KIF20B: variants seen among roughly 807,000 people sequenced by gnomAD.
KIF20B encodes kinesin family member 20B.
In KIF20B, 188 loss-of-function variants were observed where a neutral mutation model predicts 232.5. That is an observed-to-expected ratio of 0.81 (90% CI 0.72 to 0.91). KIF20B has a LOEUF of 0.91. KIF20B is among the 40% of genes least tolerant of loss of function. The pLI is 0.00. For synonymous variants in KIF20B, 712 were observed against 683.0 expected (o/e 1.04, Z -0.66); for missense variants, 2,154 against 2,055.9 (o/e 1.05, Z -0.92).
At chr10:89,708,179 C>T (rs1020608434) in intron 2 of KIF20B, among the ~76,000 whole-genome samples, 3 of 151,136 alleles carry the variant, frequency 2.0e-5, no homozygotes, top group African/African-American at 7.3e-5. Flanking sequence ...ATTTTCTCTT[C>T]CTATATTTTC....
intron 12 of KIF20B, 142 bp downstream of exon 12, chr10:89,719,014 AGAAAGGATT>A (rs1228872361): frequency 1.8e-6 from 1 of 566,922 alleles, no homozygotes; most frequent in African/African-American, 2.0e-5. Flanking sequence ...GGAAGACATG[AGAAAGGATT>A]GAAAGTTGCC....
chr10:89,737,994 T>C lies in KIF20B; in HGVS notation c.3153T>C (p.Asn1051=), dbSNP rs1013174486. Residue 1051 remains asparagine, a synonymous_variant, in exon 20 of 33, where the codon AAT becomes AAC. Coordinates refer to ENST00000371728, the MANE Select transcript of KIF20B (RefSeq NM_001284259.2). The part of the protein sequence containing the change: ...EYRIQEPNRE[N]SFHSSIEAIW... ...GAATTCAAGAACCCAATAGGGAAAA[T>C]TCTTTCCACTCTAGTATTGAAGCTA... 1 of 1,613,080 alleles carries C rather than the reference T, an allele frequency of 6.2e-7. No individual in the cohort carries two copies. The highest frequency in any genetic ancestry group is 8.5e-7 in the Non-Finnish European group (1 of 1,179,456).
chr10:89,762,004 G>A (rs1842252300), intron 28 of KIF20B, among the ~76,000 whole-genome samples: 1 of 152,164 alleles, frequency 6.6e-6, no homozygotes, highest in South Asian at 2.1e-4. Context: ...TTAACTGGTA[G>A]TTGATTCTGG....
At position 89,717,722 on chromosome 10, in the gene KIF20B, A is replaced by G. The variant is rs369009574; in HGVS notation, c.1271A>G (p.Lys424Arg). Residue 424 changes from lysine to arginine, a missense_variant and splice_region_variant, in exon 11 of 33, where the codon AAG becomes AGG. By Grantham distance (26) the Lys-to-Arg change is conservative. Transcript: ENST00000371728. ...INVLKNSEKS[K>R]FQQHVPFRES... Reference sequence around the variant, plus strand: ...GTCTTGAAGAATAGTGAAAAGTCAAAGTAAGTGTTTCTGAAAGTGTTATTA... The same window carrying G: ...GTCTTGAAGAATAGTGAAAAGTCAAGGTAAGTGTTTCTGAAAGTGTTATTA... The G allele has an allele frequency of 1.9e-6, 3 of 1,582,124 alleles. No individual in the cohort carries two copies. The African/African-American group carries it at 4.1e-5, about 22-fold the overall frequency.
rs771405055 is a variant in KIF20B at position 89,716,425 on chromosome 10, A to AT, written c.941-5dup. 10 of 1,175,758 alleles carry AT rather than the reference A, an allele frequency of 8.5e-6. No individual in the cohort carries two copies. The highest frequency in any genetic ancestry group is 1.1e-5 in the Non-Finnish European group (9 of 811,224). The allele number at this position is 1,175,758 out of a possible 1,614,324, so 72.8% of individuals were successfully genotyped here. On this transcript the variant is annotated splice_polypyrimidine_tract_variant and intron_variant, in intron 8 of 32. Transcript: ENST00000371728. ...CAATAAATTAATATATATCCTCTTTATTTTTTAAAGATCTACAATGGATTC... is the reference window on the plus strand; with the variant it reads ...CAATAAATTAATATATATCCTCTTTATTTTTTTAAAGATCTACAATGGATTC...
rs750937549 is a variant in KIF20B at position 89,738,015 on chromosome 10, A to G, written c.3174A>G (p.Glu1058=). Residue 1058 remains glutamate, a synonymous_variant, in exon 20 of 33, where the codon GAA becomes GAG. Coordinates refer to ENST00000371728, the MANE Select transcript of KIF20B (RefSeq NM_001284259.2). ...NRENSFHSSI[E]AIWEECKEIV... Reference sequence around the variant, plus strand: ...AAAATTCTTTCCACTCTAGTATTGAAGCTATTTGGGAAGAATGTAAAGAGA... The same window carrying G: ...AAAATTCTTTCCACTCTAGTATTGAGGCTATTTGGGAAGAATGTAAAGAGA... The G allele has an allele frequency of 1.2e-6, 2 of 1,613,374 alleles. No homozygotes were observed. Among genetic ancestry groups the G allele is most frequent in the Non-Finnish European group, 1.7e-6 (2 of 1,179,600 alleles).
intron 26 of KIF20B, among the ~76,000 whole-genome samples, chr10:89,756,976 A>T (rs1362381515): frequency 6.8e-6 from 1 of 147,256 alleles, no homozygotes; most frequent in African/African-American, 2.5e-5. Context: ...TTTTCCTATA[A>T]ACATTTTTAT....
chr10:89,718,636 G>T (rs140270860), intron 11 of KIF20B, 74 bp from the exon 12 acceptor site: 14 of 1,175,570 alleles, frequency 1.2e-5, no homozygotes, highest in Non-Finnish European at 1.4e-5. Flanking sequence ...TTATTTCTTT[G>T]TAAAATGTCT....
chr10:89,715,232 G>T (rs1439967196), intron 8 of KIF20B, 50 bp downstream of exon 8: 2 of 1,168,178 alleles, frequency 1.7e-6, no homozygotes, highest in Non-Finnish European at 2.5e-6. Flanking sequence ...CTCTTCCTGG[G>T]CTTTGTGATA....
At position 89,719,675 on chromosome 10, in the gene KIF20B, AT is replaced by A; in HGVS notation, c.1692del (p.Asn564LysfsTer16). ...GATCTAGATAAAACATTAGAGGAAA[AT>A]AAGGCTTTCATTAGCCACGAGGAGA... is the stretch of plus-strand genomic sequence containing the variant. ...DEDLDKTLEE[N>X]KAFISHEEKR... On this transcript the variant is annotated frameshift_variant, in exon 13 of 33. Transcript: ENST00000371728. LOFTEE classifies it high-confidence loss of function. 6.2e-7 allele frequency: 1 copy of A among 1,608,394 alleles called. No homozygotes were observed. The highest frequency in any genetic ancestry group is 8.5e-7 in the Non-Finnish European group (1 of 1,178,280).
Position 89,772,849 on chromosome 10 carries a change from T to C in KIF20B, c.5385+18T>C. 6.3e-7 allele frequency: 1 copy of C among 1,595,208 alleles called. No individual in the cohort carries two copies. Among genetic ancestry groups the C allele is most frequent in the Non-Finnish European group, 8.5e-7 (1 of 1,172,148 alleles). On this transcript the variant is annotated intron_variant, in intron 32 of 32. Coordinates refer to ENST00000371728, the MANE Select transcript of KIF20B (RefSeq NM_001284259.2). ...GCCAAGTGGTAAGCTAGTATTTCTGTTTTCATCAATGTAGAACTGTTCGTG... is the reference window on the plus strand; with the variant it reads ...GCCAAGTGGTAAGCTAGTATTTCTGCTTTCATCAATGTAGAACTGTTCGTG...
At chr10:89,716,995 T>C (rs996547295) in intron 9 of KIF20B, among the ~76,000 whole-genome samples, 1 of 152,128 alleles carries the variant, frequency 6.6e-6, no homozygotes, top group African/African-American at 2.4e-5. Context: ...GGCTTTTTCT[T>C]AGAGAAGGAG....
intron 29 of KIF20B, among the ~76,000 whole-genome samples, chr10:89,766,698 A>T (rs1842368115): frequency 6.6e-6 from 1 of 152,248 alleles, no homozygotes; most frequent in Admixed American, 6.6e-5. Context: ...TTTCAAGCTG[A>T]TGTAAGAGCA....
intron 17 of KIF20B, among the ~76,000 whole-genome samples, chr10:89,728,758 A>G (rs1365906069): frequency 6.6e-6 from 1 of 151,166 alleles, no homozygotes; most frequent in African/African-American, 2.4e-5. Flanking sequence ...CCCACCAGGT[A>G]ATTTGGCCTC....
intron 9 of KIF20B, 114 bp downstream of exon 9, chr10:89,716,661 A>G (rs1842941225): frequency 1.1e-5 from 7 of 641,464 alleles, no homozygotes; most frequent in Non-Finnish European, 1.9e-5. Flanking sequence ...TGTTAAATTC[A>G]TAAGGCATAA....
chr10:89,771,493 C>T (rs1384650319), intron 31 of KIF20B, among the ~76,000 whole-genome samples: 2 of 152,032 alleles, frequency 1.3e-5, no homozygotes, highest in African/African-American at 4.8e-5. Flanking sequence ...AGACTTGATG[C>T]ATAGCCAATG....
At chr10:89,743,780 C>G (rs769335343) in intron 21 of KIF20B, 28 bp from the exon 22 acceptor site, 1 of 1,327,222 alleles carries the variant, frequency 7.5e-7, no homozygotes, top group East Asian at 2.7e-5. Context: ...TAAAATATTC[C>G]ATTTGTTTTA....
chr10:89,707,106 C>A (rs952920097), intron 2 of KIF20B, among the ~76,000 whole-genome samples: 2 of 152,078 alleles, frequency 1.3e-5, no homozygotes, highest in Non-Finnish European at 2.9e-5. Flanking sequence ...AGAGGCCTTT[C>A]GTGTCTTTTG....
chr10:89,734,401 A>G (rs1841599179), intron 19 of KIF20B, among the ~76,000 whole-genome samples: 2 of 152,132 alleles, frequency 1.3e-5, no homozygotes, highest in Admixed American at 1.3e-4. Context: ...ACAAGAGTGA[A>G]ACTGTGTCTA....
Sources: gnomAD v4.1 joint callset for allele counts (sites outside exome capture counted in the v4.1 genomes callset) on GRCh38, gnomAD v4.1.1 for gene constraint, MANE v1.5 for transcripts, NCBI Gene and HGNC (gene_info 2026-07-23, HGNC 2026-07-21) for gene names.